The following DCC variants were observed in gnomAD, a reference collection of about 807,000 sequenced individuals.
DCC encodes the protein netrin receptor DCC.
DCC carries 58 observed loss-of-function variants against 172.5 expected under a neutral mutation model. The observed-to-expected ratio is 0.34, with a 90% CI of 0.27 to 0.42. The LOEUF is 0.42. DCC is among the 10% of genes least tolerant of loss of function. DCC has a pLI of 1.00. For synonymous variants in DCC, 709 were observed against 644.5 expected (o/e 1.10, Z -1.52); for missense variants, 1,740 against 1,791.0 (o/e 0.97, Z 0.51).
chr18:53,055,741 A>T (rs1052289851), intron 5 of DCC, among the ~76,000 whole-genome samples: 11 of 152,128 alleles, frequency 7.2e-5, no homozygotes, highest in African/African-American at 2.7e-4. Flanking sequence ...ACTAGAGAGA[A>T]ATATTAAGCA....
At chr18:52,369,605 C>G (rs974844724) in intron 1 of DCC, among the ~76,000 whole-genome samples, 1 of 151,864 alleles carries the variant, frequency 6.6e-6, no homozygotes, top group Non-Finnish European at 1.5e-5. Flanking sequence ...AGACCTTTCT[C>G]TCTCTGCCTC....
At chr18:53,419,781 T>C (rs1910530291) in intron 21 of DCC, among the ~76,000 whole-genome samples, 1 of 152,054 alleles carries the variant, frequency 6.6e-6, no homozygotes, top group Non-Finnish European at 1.5e-5. Context: ...AGCTAGTAAG[T>C]AGAAAGGCCA....
At chr18:53,066,299 A>G in intron 7 of DCC, 133 bp downstream of exon 7, 1 of 745,036 alleles carries the variant, frequency 1.3e-6, no homozygotes, top group South Asian at 1.5e-5. Flanking sequence ...ATTAAGGTGT[A>G]TACTTGTGTA....
intron 12 of DCC, among the ~76,000 whole-genome samples, chr18:53,237,974 C>A (rs1276459289): frequency 6.6e-6 from 1 of 152,104 alleles, no homozygotes; most frequent in African/African-American, 2.4e-5. Flanking sequence ...CCAAGAAAAC[C>A]TAAGAACACA....
intron 2 of DCC, among the ~76,000 whole-genome samples, chr18:52,834,549 T>G (rs2116381): frequency 6.6e-6 from 1 of 151,900 alleles, no homozygotes; most frequent in Non-Finnish European, 1.5e-5. Context: ...TGAGCTCGTC[T>G]GGGGTGTTAC....
chr18:53,292,715 A>G (rs2057020845), intron 12 of DCC, among the ~76,000 whole-genome samples: 1 of 152,110 alleles, frequency 6.6e-6, no homozygotes, highest in Non-Finnish European at 1.5e-5. Context: ...ACAAAACAAA[A>G]CAAAAAAACA....
intron 7 of DCC, among the ~76,000 whole-genome samples, 197 bp downstream of exon 7, chr18:53,066,363 A>ATATATATATATATATATATATATATATG (rs2042568461): frequency 1.9e-5 from 1 of 53,020 alleles, no homozygotes; most frequent in African/African-American, 1.6e-4. Context: ...GTATATATAT[A>ATATATATATATATATATATATATATATG]TATATATATA....
chr18:53,243,893 C>T (rs183777691), intron 12 of DCC, among the ~76,000 whole-genome samples: 3 of 152,200 alleles, frequency 2.0e-5, no homozygotes, highest in East Asian at 1.9e-4. Flanking sequence ...CAAATCTTCT[C>T]GTTAGCCAAA....
chr18:52,412,103 A>G (rs1330105269), intron 1 of DCC, among the ~76,000 whole-genome samples: 1 of 152,168 alleles, frequency 6.6e-6, no homozygotes, highest in Non-Finnish European at 1.5e-5. Flanking sequence ...TTATACTGCA[A>G]TGTATAATGA....
chr18:53,213,901 T>C (rs2055802206), intron 11 of DCC, among the ~76,000 whole-genome samples: 1 of 151,230 alleles, frequency 6.6e-6, no homozygotes, highest in South Asian at 2.1e-4. Context: ...AACTTAAAAA[T>C]TTACAAAACA....
intron 2 of DCC, among the ~76,000 whole-genome samples, chr18:52,793,120 G>A (rs1036553543): frequency 6.6e-6 from 1 of 152,170 alleles, no homozygotes. Flanking sequence ...GATTTATGTA[G>A]GACCCACAGA....
At chr18:52,544,478 C>T (rs1004493094) in intron 1 of DCC, among the ~76,000 whole-genome samples, 1 of 150,826 alleles carries the variant, frequency 6.6e-6, no homozygotes, top group African/African-American at 2.4e-5. Flanking sequence ...CACCACAAGA[C>T]ATTCCTTCCC....
At chr18:52,669,952 G>C (rs779698552) in intron 1 of DCC, among the ~76,000 whole-genome samples, 7 of 152,152 alleles carry the variant, frequency 4.6e-5, no homozygotes, top group Non-Finnish European at 1.5e-5. Flanking sequence ...TCTCTGTGAG[G>C]AAATAACAAT....
At chr18:52,606,045 A>G (rs2034124085) in intron 1 of DCC, among the ~76,000 whole-genome samples, 1 of 152,146 alleles carries the variant, frequency 6.6e-6, no homozygotes, top group Non-Finnish European at 1.5e-5. Flanking sequence ...GTGGAATGAC[A>G]GAGAAAAGAG....
At chr18:52,585,834 A>G (rs2033656946) in intron 1 of DCC, among the ~76,000 whole-genome samples, 1 of 152,196 alleles carries the variant, frequency 6.6e-6, no homozygotes, top group Non-Finnish European at 1.5e-5. Flanking sequence ...CTGTAATCCC[A>G]GCACTTTGGG....
At chr18:53,367,600 C>T (rs980584356) in intron 15 of DCC, among the ~76,000 whole-genome samples, 15 of 152,040 alleles carry the variant, frequency 9.9e-5, no homozygotes, top group African/African-American at 3.6e-4. Flanking sequence ...TGTTGCGCAG[C>T]CATCGAACCG....
intron 1 of DCC, among the ~76,000 whole-genome samples, chr18:52,699,350 G>C (rs2036068223): frequency 6.6e-6 from 1 of 152,044 alleles, no homozygotes; most frequent in South Asian, 2.1e-4. Flanking sequence ...GCTCATGTGG[G>C]TTTGTCCTGT....
At chr18:52,406,273 A>C (rs1298819443) in intron 1 of DCC, among the ~76,000 whole-genome samples, 1 of 149,330 alleles carries the variant, frequency 6.7e-6, no homozygotes, top group East Asian at 2.0e-4. Flanking sequence ...CAAGGACTTC[A>C]TGTCTAAAAC....
chr18:53,181,605 T>C (rs972210294), intron 9 of DCC, among the ~76,000 whole-genome samples: 3 of 152,146 alleles, frequency 2.0e-5, no homozygotes, highest in African/African-American at 7.2e-5. Context: ...ATCACACATA[T>C]GGCCTTAACT....
Sources: gnomAD v4.1 joint callset for allele counts (sites outside exome capture counted in the v4.1 genomes callset) on GRCh38, gnomAD v4.1.1 for gene constraint, MANE v1.5 for transcripts, NCBI Gene and HGNC (gene_info 2026-07-23, HGNC 2026-07-21) for gene names.